Variants in GRIN2B observed in about 807,000 individuals in gnomAD.
GRIN2B encodes the protein glutamate ionotropic receptor NMDA type subunit 2B, also known as glutamate receptor ionotropic, NMDA 2B.
GRIN2B carries 5 observed loss-of-function variants against 114.5 expected under a neutral mutation model. The ratio of observed to expected loss-of-function variants is 0.04; its 90% CI spans 0.02 to 0.09. The LOEUF is 0.09. Ranked by LOEUF, GRIN2B falls within the 10% of genes least tolerant of loss-of-function variation. The pLI is 1.00. For synonymous variants in GRIN2B, 787 were observed against 745.1 expected (o/e 1.06, Z -0.92); for missense variants, 1,108 against 1,943.5 (o/e 0.57, Z 8.08).
intron 4 of GRIN2B, among the ~76,000 whole-genome samples, chr12:13,692,815 C>T (rs1264283058): frequency 9.2e-6 from 1 of 108,834 alleles, no homozygotes; most frequent in Non-Finnish European, 1.8e-5. Flanking sequence ...GTTGCCCAGG[C>T]TGGAGTGCAA....
chr12:13,651,082 A>T (rs1949807960), intron 5 of GRIN2B, among the ~76,000 whole-genome samples: 3 of 152,104 alleles, frequency 2.0e-5, no homozygotes, highest in Non-Finnish European at 2.9e-5. Flanking sequence ...AGGGAAGTCC[A>T]ATTTGAAGCA....
intron 3 of GRIN2B, among the ~76,000 whole-genome samples, chr12:13,813,246 A>G (rs1215082025): frequency 1.3e-5 from 2 of 152,032 alleles, no homozygotes; most frequent in African/African-American, 4.8e-5. Flanking sequence ...GGGAAATTTT[A>G]TATGAAACTG....
chr12:13,559,793 A>G lies in GRIN2B; in HGVS notation c.*2990T>C, dbSNP rs1948519089. The G allele has an allele frequency of 6.6e-6, 1 of 152,200 alleles. No individual in the cohort carries two copies. Among genetic ancestry groups the G allele is most frequent in the African/African-American group, 2.4e-5 (1 of 41,430 alleles). The allele number at this position is 152,200 out of a possible 1,614,324, so 9.4% of individuals were successfully genotyped here. On this transcript the variant is annotated 3_prime_UTR_variant, in exon 14 of 14. Transcript: ENST00000609686. ...GAGGGTGGAGATGGGGCAGGGAGTG[A>G]GTCAGCGCCCAGGTCCTAAAGAAGA...
intron 10 of GRIN2B, among the ~76,000 whole-genome samples, chr12:13,593,228 C>T (rs566915617): frequency 2.6e-5 from 4 of 152,254 alleles, no homozygotes; most frequent in South Asian, 4.1e-4. Context: ...AAAGAGCCCA[C>T]ATAGCCAAAA....
At chr12:13,801,047 C>T (rs918881518) in intron 3 of GRIN2B, among the ~76,000 whole-genome samples, 10 of 152,166 alleles carry the variant, frequency 6.6e-5, no homozygotes, top group East Asian at 5.8e-4. Context: ...ATGCCTAATA[C>T]GCCGGAGATT....
At chr12:13,641,379 C>A (rs377677101) in intron 5 of GRIN2B, among the ~76,000 whole-genome samples, 1 of 151,946 alleles carries the variant, frequency 6.6e-6, no homozygotes, top group South Asian at 2.1e-4. Flanking sequence ...AGCCTTGCAT[C>A]GTTAATTTGA....
At chr12:13,920,040 G>T (rs1466673351) in intron 2 of GRIN2B, among the ~76,000 whole-genome samples, 1 of 151,982 alleles carries the variant, frequency 6.6e-6, no homozygotes, top group African/African-American at 2.4e-5. Context: ...GGCCTAGGGT[G>T]GTAAAAAGCC....
At position 13,564,708 on chromosome 12, in the gene GRIN2B, C is replaced by T; in HGVS notation, c.2599-69G>A. Reference sequence around the variant, plus strand: ...AGAAATGACCACAAAAAACACTCTCCCACCAATAATTGCTCCAACTGGATA... The same window carrying T: ...AGAAATGACCACAAAAAACACTCTCTCACCAATAATTGCTCCAACTGGATA... On this transcript the variant is annotated intron_variant, in intron 13 of 13. Coordinates refer to ENST00000609686, the MANE Select transcript of GRIN2B (RefSeq NM_000834.5). This position sits in a 1 kb window ranked among gnomAD's most constrained non-coding sequence, Gnocchi z 4.8. The T allele has an allele frequency of 7.5e-7, 1 of 1,341,090 alleles. No individual in the cohort carries two copies. The highest frequency in any genetic ancestry group is 1.1e-6 in the Non-Finnish European group (1 of 937,022). The allele number at this position is 1,341,090 out of a possible 1,614,324, so 83.1% of individuals were successfully genotyped here.
At chr12:13,869,838 G>A (rs980601106) in intron 2 of GRIN2B, among the ~76,000 whole-genome samples, 3 of 152,190 alleles carry the variant, frequency 2.0e-5, no homozygotes, top group African/African-American at 7.2e-5. Flanking sequence ...GGATGGGCGA[G>A]TCACCTAATT....
intron 10 of GRIN2B, among the ~76,000 whole-genome samples, chr12:13,574,622 C>CA (rs1948751009): frequency 6.6e-6 from 1 of 152,206 alleles, no homozygotes; most frequent in African/African-American, 2.4e-5. Context: ...CAGAGGGCCT[C>CA]ACTTCCTGAT....
chr12:13,665,497 A>G (rs2136531021), intron 5 of GRIN2B, among the ~76,000 whole-genome samples: 1 of 152,228 alleles, frequency 6.6e-6, no homozygotes, highest in East Asian at 1.9e-4. Context: ...TTTGGATCCC[A>G]TTAGTCTAGT....
At chr12:13,688,194 G>C (rs1206812944) in intron 4 of GRIN2B, among the ~76,000 whole-genome samples, 1 of 152,164 alleles carries the variant, frequency 6.6e-6, no homozygotes, top group Non-Finnish European at 1.5e-5. Flanking sequence ...AGAAGCAATG[G>C]TCAGTAGAGA....
At position 13,567,279 on chromosome 12, in the gene GRIN2B, A is replaced by G. The variant is rs1310339590; in HGVS notation, c.2360-16T>C. The G allele has an allele frequency of 6.3e-7, 1 of 1,579,870 alleles. No individual in the cohort carries two copies. Among genetic ancestry groups the G allele is most frequent in the East Asian group, 2.2e-5 (1 of 44,726 alleles). Reference sequence around the variant, plus strand: ...TCCATCTCCCCTGGGGAAAGGACAGAGAAGGAAAATGGATAAAAAGAGGAG... The same window carrying G: ...TCCATCTCCCCTGGGGAAAGGACAGGGAAGGAAAATGGATAAAAAGAGGAG... On this transcript the variant is annotated splice_polypyrimidine_tract_variant and intron_variant, in intron 12 of 13. Transcript: ENST00000609686.
At position 13,907,123 on chromosome 12, in the gene GRIN2B, G is replaced by GA. The variant is rs1314372766; in HGVS notation, c.-18-40898dup. Among the ~76,000 whole-genome samples the GA allele has an allele frequency of 4.0e-5, 5 of 125,144 alleles. No individual in the cohort carries two copies. In the East Asian group the frequency reaches 1.7e-3, roughly 43 times the overall value. 82.1% of individuals were successfully genotyped at this position (125,144 alleles called of 152,430 possible). On this transcript the variant is annotated intron_variant, in intron 2 of 13. Coordinates refer to ENST00000609686, the MANE Select transcript of GRIN2B (RefSeq NM_000834.5). Reference sequence around the variant, plus strand: ...TTCATTCTAAATGTAAAGCAATCTAGATAAAAAAAGTCTTTGCATAAACTC... The same window carrying GA: ...TTCATTCTAAATGTAAAGCAATCTAGAATAAAAAAAGTCTTTGCATAAACTC...
At chr12:13,725,468 C>T (rs146693427) in intron 4 of GRIN2B, among the ~76,000 whole-genome samples, 222 of 152,100 alleles carry the variant, frequency 1.5e-3, no homozygotes, top group African/African-American at 4.8e-3. Context: ...GAAGCTAAGG[C>T]ATATGGTCCC....
intron 2 of GRIN2B, among the ~76,000 whole-genome samples, chr12:13,963,934 A>G (rs1867743907): frequency 6.6e-6 from 1 of 152,138 alleles, no homozygotes; most frequent in African/African-American, 2.4e-5. Context: ...GTAAAGAGAG[A>G]ATCCACTGAA....
chr12:13,905,423 G>A (rs1051898595), intron 2 of GRIN2B, among the ~76,000 whole-genome samples: 33 of 152,068 alleles, frequency 2.2e-4, no homozygotes, highest in Admixed American at 1.6e-3. Context: ...TACTTTTTGC[G>A]CTTTCCTGGT....
chr12:13,750,866 A>G (rs993649840), intron 4 of GRIN2B, among the ~76,000 whole-genome samples: 8 of 152,196 alleles, frequency 5.3e-5, no homozygotes, highest in Non-Finnish European at 1.0e-4. Flanking sequence ...GAAGGGAGAT[A>G]ATACAGCATG....
At chr12:13,571,628 T>C (rs539690591) in intron 11 of GRIN2B, among the ~76,000 whole-genome samples, 176 bp downstream of exon 11, 48 of 152,378 alleles carry the variant, frequency 3.2e-4, no homozygotes, top group African/African-American at 1.1e-3. Context: ...GGAATCGTTG[T>C]ACACTGGTCT....
Sources: gnomAD v4.1 joint callset for allele counts (sites outside exome capture counted in the v4.1 genomes callset) on GRCh38, gnomAD v4.1.1 for gene constraint, Gnocchi (gnomAD v3.1) non-coding constraint, MANE v1.5 for transcripts, NCBI Gene and HGNC (gene_info 2026-07-23, HGNC 2026-07-21) for gene names.